MYO6: variants seen among roughly 807,000 people sequenced by gnomAD.
The protein encoded by MYO6 is myosin VI.
A neutral mutation model predicts 178.7 loss-of-function variants in MYO6; 74 were observed. The ratio of observed to expected loss-of-function variants is 0.41; its 90% CI spans 0.34 to 0.50. MYO6 has a LOEUF of 0.50. Ranked by LOEUF, MYO6 falls within the 20% of genes least tolerant of loss-of-function variation. The pLI is 0.09. For synonymous variants in MYO6, 477 were observed against 504.6 expected (o/e 0.95, Z 0.73); for missense variants, 1,330 against 1,547.4 (o/e 0.86, Z 2.36).
intron 1 of MYO6, among the ~76,000 whole-genome samples, chr6:75,791,859 C>T (rs1352964149): frequency 6.6e-6 from 1 of 152,164 alleles, no homozygotes; most frequent in Non-Finnish European, 1.5e-5. Context: ...ACAGTGCATA[C>T]TTGAATCATT....
intron 1 of MYO6, among the ~76,000 whole-genome samples, chr6:75,802,033 A>G (rs1283666674): frequency 6.6e-6 from 1 of 152,232 alleles, no homozygotes; most frequent in Non-Finnish European, 1.5e-5. Flanking sequence ...AATATATTTT[A>G]TAATTGATTC....
Position 75,822,836 on chromosome 6 carries a change from G to T in MYO6, c.172G>T (p.Asp58Tyr). Reference protein sequence around the residue: ...VFPAEEDSKKDVEDNCSLMYL... With the variant: ...VFPAEEDSKKYVEDNCSLMYL... ...TCCTGCAGAAGAGGACAGTAAAAAA[G>T]ATGTGGAAGATAACTGTAAGTACCA... Residue 58 changes from aspartate (D) to tyrosine (Y), a missense_variant, in exon 3 of 35, where the codon GAT becomes TAT. By Grantham distance (160) the Asp-to-Tyr change is radical. Transcript: ENST00000369977. 6.2e-7 allele frequency: 1 copy of T among 1,613,010 alleles called. No homozygotes were observed. The highest frequency in any genetic ancestry group is 8.5e-7 in the Non-Finnish European group (1 of 1,179,246).
chr6:75,768,304 T>G (rs1355488908), intron 1 of MYO6: 1 of 151,754 alleles, frequency 6.6e-6, no homozygotes, highest in Non-Finnish European at 1.5e-5. Context: ...ACAAAAGAGT[T>G]TTCCTCCAAG....
At chr6:75,805,002 CAT>C (rs749031242) in intron 1 of MYO6, among the ~76,000 whole-genome samples, 84 of 63,964 alleles carry the variant, frequency 1.3e-3, no homozygotes, top group Non-Finnish European at 1.6e-3. Context: ...TACACACACA[CAT>C]ATATATATAT....
At chr6:75,773,561 A>C (rs571059388) in intron 1 of MYO6, among the ~76,000 whole-genome samples, 1 of 152,206 alleles carries the variant, frequency 6.6e-6, no homozygotes, top group African/African-American at 2.4e-5. Context: ...TTTGCCTGCT[A>C]TGTAGAGGCA....
chr6:75,827,487 A>T (rs1015610451), intron 3 of MYO6, among the ~76,000 whole-genome samples: 1 of 152,196 alleles, frequency 6.6e-6, no homozygotes, highest in Non-Finnish European at 1.5e-5. Flanking sequence ...TTGGATGTTG[A>T]TAGAGACCCA....
In MYO6 at chr6:75,890,227, C is replaced by T. The variant is rs758794665; in HGVS notation, c.2829C>T (p.Asp943=). The change falls in exon 26 of 35, where the codon GAC becomes GAT. Residue 943 remains aspartate (D), a synonymous_variant. Transcript: ENST00000369977. ...MEKERKRREE[D]EKRRRKEEEE... is the part of the protein sequence containing the mutation. ...AGGAAAGAAAAAGACGTGAAGAAGA[C>T]GAAAAACGTCGAAGAAAGGAAGAGG... is the stretch of plus-strand genomic sequence containing the variant. The T allele has an allele frequency of 2.1e-5, 34 of 1,611,430 alleles. No homozygotes were observed. Among genetic ancestry groups the T allele is most frequent in the Admixed American group, 8.3e-5 (5 of 59,940 alleles).
At chr6:75,819,932 G>C (rs1344378521) in intron 2 of MYO6, among the ~76,000 whole-genome samples, 1 of 152,088 alleles carries the variant, frequency 6.6e-6, no homozygotes, top group Non-Finnish European at 1.5e-5. Context: ...GTACATGCCT[G>C]TTTTAGCTAC....
chr6:75,860,438 C>T (rs1776106592), intron 14 of MYO6, among the ~76,000 whole-genome samples: 1 of 152,098 alleles, frequency 6.6e-6, no homozygotes, highest in Admixed American at 6.5e-5. Context: ...ACCAACCTAC[C>T]AAAAAACTTT....
chr6:75,835,858 C>T lies in MYO6; in HGVS notation c.498-43C>T, dbSNP rs573995103. 2.1e-5 allele frequency: 23 copies of T among 1,100,004 alleles called. No individual in the cohort carries two copies. The African/African-American group carries it at 2.9e-4, about 14-fold the overall frequency. The allele number at this position is 1,100,004 out of a possible 1,614,324, so 68.1% of individuals were successfully genotyped here. The stretch of plus-strand genomic sequence containing the variant: ...TAGATAATTATAAATTATTGTACAC[C>T]ATATTATTGTCATCAACATTTTTTA... On this transcript the variant is annotated intron_variant, in intron 6 of 34. Transcript: ENST00000369977.
At chr6:75,865,764 T>A (rs995017863) in intron 16 of MYO6, among the ~76,000 whole-genome samples, 5 of 152,178 alleles carry the variant, frequency 3.3e-5, no homozygotes, top group African/African-American at 1.2e-4. Context: ...TGAGATATTA[T>A]GATTAAATGG....
rs754488408 is a variant in MYO6, at chr6:75,898,419, C to G, written c.3176+8C>G. ...GTCAGAATTTTTGAGTAGGTTAGTG[C>G]AGTGTAATTGGGGGAAATAAGTGTT... On this transcript the variant is annotated splice_region_variant and intron_variant, in intron 30 of 34. Coordinates refer to ENST00000369977, the MANE Select transcript of MYO6 (RefSeq NM_004999.4). 1.2e-6 allele frequency: 2 copies of G among 1,606,340 alleles called. No individual in the cohort carries two copies. The highest frequency in any genetic ancestry group is 4.5e-5 in the East Asian group (2 of 44,752).
chr6:75,818,295 A>G (rs2150169983), intron 2 of MYO6, among the ~76,000 whole-genome samples: 1 of 152,354 alleles, frequency 6.6e-6, no homozygotes, highest in East Asian at 1.9e-4. Context: ...AGAAGGCATC[A>G]TTGTAAATAC....
chr6:75,866,275 C>CTCTG (rs1554212777), intron 16 of MYO6, among the ~76,000 whole-genome samples: 2 of 119,138 alleles, frequency 1.7e-5, no homozygotes, highest in African/African-American at 5.6e-5. Flanking sequence ...GTCTCTGTCT[C>CTCTG]TGTGTGTGTG....
At chr6:75,800,746 G>C (rs1478947183) in intron 1 of MYO6, among the ~76,000 whole-genome samples, 2 of 151,894 alleles carry the variant, frequency 1.3e-5, no homozygotes, top group Non-Finnish European at 2.9e-5. Flanking sequence ...TTTGAGACAG[G>C]GTCTCACTCC....
chr6:75,841,447 G>C, intron 9 of MYO6, 69 bp downstream of exon 9: 1 of 1,461,826 alleles, frequency 6.8e-7, no homozygotes, highest in Non-Finnish European at 9.5e-7. Context: ...CCAACACTTT[G>C]GGAGGCTGAG....
At chr6:75,871,757 A>G (rs899435914) in intron 19 of MYO6, among the ~76,000 whole-genome samples, 3 of 152,060 alleles carry the variant, frequency 2.0e-5, no homozygotes, top group African/African-American at 7.2e-5. Context: ...TATTTCTTAG[A>G]TAGGGTGCTG....
At position 75,870,664 on chromosome 6, in the gene MYO6, T is replaced by C; in HGVS notation, c.1962T>C (p.Leu654=). The change falls in exon 19 of 35, where the codon CTT becomes CTC. Residue 654 remains leucine (L), a synonymous_variant. Transcript: ENST00000369977. ...GNKFKTQLNL[L]LDKLRSTGAS... ...TTTCACAGACACAGTTAAATTTGCTTCTGGATAAACTTCGAAGTACTGTGA... is the reference window on the plus strand; with the variant it reads ...TTTCACAGACACAGTTAAATTTGCTCCTGGATAAACTTCGAAGTACTGTGA... 6.2e-7 allele frequency: 1 copy of C among 1,612,552 alleles called. No homozygotes were observed. The highest frequency in any genetic ancestry group is 8.5e-7 in the Non-Finnish European group (1 of 1,179,332).
intron 5 of MYO6, among the ~76,000 whole-genome samples, 182 bp downstream of exon 5, chr6:75,830,727 A>G (rs1241106785): frequency 6.6e-6 from 1 of 152,214 alleles, no homozygotes; most frequent in Non-Finnish European, 1.5e-5. Flanking sequence ...GAGGAAGAAT[A>G]CTTTTGTAGT....
Sources: gnomAD v4.1 joint callset for allele counts (sites outside exome capture counted in the v4.1 genomes callset) on GRCh38, gnomAD v4.1.1 for gene constraint, MANE v1.5 for transcripts, NCBI Gene and HGNC (gene_info 2026-07-23, HGNC 2026-07-21) for gene names.